The following SGO2 variants were observed in gnomAD, a reference collection of about 807,000 sequenced individuals.
SGO2 encodes the protein shugoshin-like 2.
SGO2 carries 68 observed loss-of-function variants against 99.5 expected under a neutral mutation model. That is an observed-to-expected ratio of 0.68 (90% confidence interval 0.56 to 0.84). The LOEUF is 0.84. SGO2 is among the 40% of genes least tolerant of loss of function. The pLI is 0.00. For synonymous variants in SGO2, 457 were observed against 487.1 expected (o/e 0.94, Z 0.81); for missense variants, 1,350 against 1,436.7 (o/e 0.94, Z 0.97).
In SGO2 at chr2:200,572,707, G is replaced by C. The variant is rs748013748; in HGVS notation, c.2361G>C (p.Gly787=). 4.3e-6 allele frequency: 7 copies of C among 1,612,604 alleles called. No homozygotes were observed. Among genetic ancestry groups the C allele is most frequent in the Non-Finnish European group, 5.9e-6 (7 of 1,179,350 alleles). The part of the protein sequence containing the change: ...LYDSEIQNVL[G]VKHGHDMQPA... ...ATTCTGAGATTCAAAATGTTTTGGGGGTGAAACATGGCCATGATATGCAAC... is the reference window on the plus strand; with the variant it reads ...ATTCTGAGATTCAAAATGTTTTGGGCGTGAAACATGGCCATGATATGCAAC... Residue 787 remains glycine, a synonymous_variant, in exon 7 of 9, where the codon GGG becomes GGC. Transcript: ENST00000357799.
At chr2:200,580,095 T>G (rs920723930) in intron 8 of SGO2, among the ~76,000 whole-genome samples, 5 of 152,142 alleles carry the variant, frequency 3.3e-5, no homozygotes, top group African/African-American at 1.2e-4. Context: ...GACTGTTTTT[T>G]GTGTGTATGA....
intron 4 of SGO2, among the ~76,000 whole-genome samples, chr2:200,539,576 T>A (rs1406245926): frequency 6.6e-6 from 1 of 152,144 alleles, no homozygotes; most frequent in Non-Finnish European, 1.5e-5. Flanking sequence ...GAGTCAATGC[T>A]TTTTTTAATT....
At chr2:200,533,192 T>C (rs928642701) in intron 2 of SGO2, 84 bp downstream of exon 2, 1 of 1,367,810 alleles carries the variant, frequency 7.3e-7, no homozygotes, top group Admixed American at 2.6e-5. Flanking sequence ...TTTTATCAAG[T>C]ACAGAAAATT....
intron 5 of SGO2, among the ~76,000 whole-genome samples, chr2:200,544,907 G>A (rs2032141925): frequency 1.3e-5 from 2 of 151,922 alleles, no homozygotes; most frequent in South Asian, 4.1e-4. Flanking sequence ...TCATTTTGTG[G>A]TTTTATTTTT....
In SGO2 at chr2:200,571,662, T is replaced by C. The variant is rs2033432091; in HGVS notation, c.1316T>C (p.Leu439Pro). The C allele has an allele frequency of 1.2e-6, 2 of 1,613,696 alleles. No individual in the cohort carries two copies. The highest frequency in any genetic ancestry group is 1.7e-6 in the Non-Finnish European group (2 of 1,179,714). ...IENRTERSDVLDGKRGAEDPG... is the reference protein window; with the variant it reads ...IENRTERSDVPDGKRGAEDPG... ...AACAGGACAGAAAGATCTGATGTCC[T>C]GGATGGCAAAAGGGGTGCAGAAGAT... The change falls in exon 7 of 9, where the codon CTG (leucine) becomes CCG (proline). Residue 439 changes from leucine to proline, a missense_variant. By Grantham distance (98) the Leu-to-Pro change is moderately conservative. Transcript: ENST00000357799.
At chr2:200,529,509 T>C (rs962587818) in intron 1 of SGO2, among the ~76,000 whole-genome samples, 7 of 149,078 alleles carry the variant, frequency 4.7e-5, no homozygotes, top group Admixed American at 6.7e-5. Flanking sequence ...TGTTTCGTTT[T>C]GTTTTGTTTT....
chr2:200,573,336 T>C lies in SGO2; in HGVS notation c.2990T>C (p.Ile997Thr). The C allele has an allele frequency of 6.2e-7, 1 of 1,605,516 alleles. No individual in the cohort carries two copies. The highest frequency in any genetic ancestry group is 1.1e-5 in the South Asian group (1 of 88,448). ...GAATCATCATGCAAGGCAAAGAACA[T>C]TTTGACAAAAGCTAAGAACAAACTT... ...KKESSCKAKN[I>T]LTKAKNKLAS... The change falls in exon 7 of 9, where the codon ATT becomes ACT. Residue 997 changes from isoleucine (I) to threonine (T), a missense_variant. By Grantham distance (89) the Ile-to-Thr change is moderately conservative. Coordinates refer to ENST00000357799, the MANE Select transcript of SGO2 (RefSeq NM_152524.6).
intron 5 of SGO2, among the ~76,000 whole-genome samples, chr2:200,560,849 G>C (rs1385877902): frequency 2.6e-5 from 4 of 152,078 alleles, no homozygotes; most frequent in Non-Finnish European, 5.9e-5. Context: ...ATGTTTAATA[G>C]AATTCACAAG....
rs545787215 is a variant in SGO2, at chr2:200,583,658, A to G, written c.*194A>G. The G allele has an allele frequency of 4.8e-5, 18 of 377,764 alleles. No homozygotes were observed. Among genetic ancestry groups the G allele is most frequent in the African/African-American group, 3.8e-4 (18 of 47,878 alleles). 23.4% of individuals were successfully genotyped at this position (377,764 alleles called of 1,614,324 possible). ...GTGCATAAAATAGCTATTTTGTAAC[A>G]TTAAACTTTTTGAGTCATTTTGGTC... On this transcript the variant is annotated 3_prime_UTR_variant, in exon 9 of 9. Coordinates refer to ENST00000357799, the MANE Select transcript of SGO2 (RefSeq NM_152524.6).
intron 1 of SGO2, among the ~76,000 whole-genome samples, chr2:200,530,415 T>A: frequency 6.6e-6 from 1 of 152,230 alleles, no homozygotes; most frequent in Non-Finnish European, 1.5e-5. Flanking sequence ...CAAGTTAAAT[T>A]TGATGCATCT....
intron 5 of SGO2, among the ~76,000 whole-genome samples, chr2:200,549,282 A>G (rs1354170832): frequency 6.6e-6 from 1 of 151,924 alleles, no homozygotes; most frequent in Non-Finnish European, 1.5e-5. Context: ...ACCCTGTCTC[A>G]AAAAAAGAAA....
intron 5 of SGO2, among the ~76,000 whole-genome samples, chr2:200,546,864 C>T (rs2032239972): frequency 6.6e-6 from 1 of 151,966 alleles, no homozygotes; most frequent in Non-Finnish European, 1.5e-5. Flanking sequence ...AGAGTGCCTA[C>T]AAGATACAGA....
chr2:200,561,609 T>G (rs531323427), intron 5 of SGO2, among the ~76,000 whole-genome samples: 1 of 152,236 alleles, frequency 6.6e-6, no homozygotes, highest in Non-Finnish European at 1.5e-5. Flanking sequence ...GTATTTCTAG[T>G]TCTAGATCCT....
At chr2:200,567,424 T>C (rs1242404665) in intron 5 of SGO2, among the ~76,000 whole-genome samples, 1 of 152,256 alleles carries the variant, frequency 6.6e-6, no homozygotes, top group African/African-American at 2.4e-5. Flanking sequence ...CTTTCTTGTA[T>C]TTACTTTTAA....
Position 200,572,377 on chromosome 2 carries a change from T to G in SGO2, c.2031T>G (p.Asn677Lys). The change falls in exon 7 of 9, where the codon AAT (asparagine) becomes AAG (lysine). Residue 677 changes from asparagine (N) to lysine (K), a missense_variant. Asn to Lys is a moderately conservative substitution (Grantham distance 94). Transcript: ENST00000357799. ...LQIPALSTRD[N>K]ENQCDYRTQN... ...TCCCAGCTCTTTCTACTAGAGATAA[T>G]GAAAATCAATGTGACTATAGGACCC... The G allele has an allele frequency of 6.2e-7, 1 of 1,613,258 alleles. No homozygotes were observed. Among genetic ancestry groups the G allele is most frequent in the African/African-American group, 1.3e-5 (1 of 74,966 alleles).
At chr2:200,538,516 A>G (rs1197585013) in intron 4 of SGO2, among the ~76,000 whole-genome samples, 1 of 152,128 alleles carries the variant, frequency 6.6e-6, no homozygotes, top group Non-Finnish European at 1.5e-5. Flanking sequence ...CTGTATGACA[A>G]TTTTGTTTAT....
chr2:200,567,194 A>G (rs1379674488), intron 5 of SGO2, among the ~76,000 whole-genome samples: 1 of 152,090 alleles, frequency 6.6e-6, no homozygotes, highest in Non-Finnish European at 1.5e-5. Flanking sequence ...AGCTGTTCCT[A>G]TTTGGTCATC....
At chr2:200,545,661 TAGG>T (rs1448347911) in intron 5 of SGO2, among the ~76,000 whole-genome samples, 2 of 152,174 alleles carry the variant, frequency 1.3e-5, no homozygotes, top group Non-Finnish European at 1.5e-5. Context: ...GAGCAGATGG[TAGG>T]AGAACTGCAC....
At chr2:200,579,602 C>T (rs1461828838) in intron 8 of SGO2, among the ~76,000 whole-genome samples, 1 of 152,136 alleles carries the variant, frequency 6.6e-6, no homozygotes, top group African/African-American at 2.4e-5. Context: ...GCTTGTTCAG[C>T]ATTTATGAAG....
Sources: allele counts gnomAD v4.1 joint callset (sites outside exome capture counted in the v4.1 genomes callset), GRCh38; gene constraint gnomAD v4.1.1; transcripts MANE v1.5; gene names NCBI Gene and HGNC (gene_info 2026-07-23, HGNC 2026-07-21).